PRORP: variants seen among roughly 807,000 people sequenced by gnomAD.
The protein encoded by PRORP is mitochondrial ribonuclease P catalytic subunit.
Under a neutral mutation model 59.4 loss-of-function variants are expected in PRORP, and 51 were observed. The observed-to-expected ratio is 0.86, with a 90% confidence interval of 0.69 to 1.08. PRORP has a LOEUF of 1.08. Ranked by LOEUF, PRORP falls within the 50% of genes least tolerant of loss-of-function variation. The pLI is 0.00. For missense variants in PRORP, 646 were observed against 690.3 expected (o/e 0.94, Z 0.72); for synonymous variants, 231 against 245.6 (o/e 0.94, Z 0.55).
intron 4 of PRORP, among the ~76,000 whole-genome samples, chr14:35,179,210 T>TTATG (rs1231668563): frequency 1.3e-5 from 2 of 152,208 alleles, no homozygotes; most frequent in Admixed American, 1.3e-4. Context: ...AATCTGACAA[T>TTATG]TATGTATCTT....
At chr14:35,204,166 C>T (rs2049231592) in intron 5 of PRORP, among the ~76,000 whole-genome samples, 1 of 151,756 alleles carries the variant, frequency 6.6e-6, no homozygotes, top group African/African-American at 2.4e-5. Context: ...TTTTTTCTTC[C>T]ACTTTAAACC....
At chr14:35,200,530 T>G (rs2049122542) in intron 5 of PRORP, among the ~76,000 whole-genome samples, 1 of 152,124 alleles carries the variant, frequency 6.6e-6, no homozygotes, top group South Asian at 2.1e-4. Flanking sequence ...GTATTTTGTT[T>G]TAGCATCTCC....
At chr14:35,195,829 A>G (rs143425631) in intron 5 of PRORP, among the ~76,000 whole-genome samples, 4 of 152,264 alleles carry the variant, frequency 2.6e-5, no homozygotes, top group Admixed American at 1.3e-4. Flanking sequence ...TTCATTTTCA[A>G]AAAAGAAGCT....
At chr14:35,158,874 G>T in intron 4 of PRORP, 1 of 303,372 alleles carries the variant, frequency 3.3e-6, no homozygotes, top group Non-Finnish European at 6.5e-6. Context: ...GCAAATCTAT[G>T]AGGAATCATG....
Position 35,145,506 on chromosome 14 carries a change from G to A in PRORP, c.1167+17895G>A, listed in dbSNP as rs1229535884. The stretch of plus-strand genomic sequence containing the variant: ...GGAGGCCGAGGCAGGCAGATCATAA[G>A]GTCAAGAGATCAAGACTATCCTGGC... On this transcript the variant is annotated intron_variant, in intron 4 of 7. Transcript: ENST00000534898. Among the ~76,000 whole-genome samples, 6 of 142,878 alleles carry A rather than the reference G, an allele frequency of 4.2e-5. 2 individuals carry two copies. 93.7% of individuals were successfully genotyped at this position (142,878 alleles called of 152,430 possible).
Position 35,123,565 on chromosome 14 carries a change from C to T in PRORP, c.320C>T (p.Pro107Leu). The T allele has an allele frequency of 6.2e-7, 1 of 1,614,150 alleles. No homozygotes were observed. The highest frequency in any genetic ancestry group is 8.5e-7 in the Non-Finnish European group (1 of 1,180,026). The change falls in exon 2 of 8, where the codon CCT becomes CTT. Residue 107 changes from proline (P) to leucine (L), a missense_variant. Pro to Leu is a moderately conservative substitution (Grantham distance 98). Transcript: ENST00000534898. The part of the protein sequence containing the change: ...NSQTEDHALA[P>L]VRNTIQLPTQ... ...CAAACTGAAGATCATGCCTTGGCAC[C>T]TGTGAGGAACACTATTCAACTCCCA...
intron 4 of PRORP, among the ~76,000 whole-genome samples, chr14:35,131,197 C>T (rs2047229615): frequency 1.3e-5 from 2 of 152,120 alleles, no homozygotes; most frequent in Admixed American, 1.3e-4. Context: ...CCCACCTCGG[C>T]CTCCCAAAGT....
intron 5 of PRORP, among the ~76,000 whole-genome samples, chr14:35,205,309 G>A (rs2049263358): frequency 6.6e-6 from 1 of 152,192 alleles, no homozygotes; most frequent in South Asian, 2.1e-4. Context: ...AGCCTCCTGA[G>A]TAGCTGGGAT....
intron 5 of PRORP, among the ~76,000 whole-genome samples, chr14:35,221,745 C>T (rs375436025): frequency 1.3e-5 from 2 of 152,174 alleles, no homozygotes; most frequent in Admixed American, 1.3e-4. Context: ...TGCCCCTTTT[C>T]TGAGCGGTTG....
At chr14:35,255,939 A>G (rs2050740128) in intron 5 of PRORP, among the ~76,000 whole-genome samples, 3 of 151,504 alleles carry the variant, frequency 2.0e-5, no homozygotes, top group African/African-American at 2.4e-5. Flanking sequence ...TGAGTCATTT[A>G]TGTTACATTT....
chr14:35,125,833 G>T (rs1427779768), intron 2 of PRORP, among the ~76,000 whole-genome samples: 1 of 152,128 alleles, frequency 6.6e-6, no homozygotes, highest in African/African-American at 2.4e-5. Context: ...ACCAGCCTGG[G>T]CATGGTGAAA....
intron 4 of PRORP, among the ~76,000 whole-genome samples, chr14:35,148,790 T>C (rs147935572): frequency 4.5e-4 from 68 of 152,302 alleles, no homozygotes; most frequent in African/African-American, 1.5e-3. Flanking sequence ...ATCTTCTGGA[T>C]AGCTTGCTGC....
At chr14:35,263,034 TA>T in intron 5 of PRORP, 1 of 1,570,804 alleles carries the variant, frequency 6.4e-7, no homozygotes. Context: ...GGCTGATGAA[TA>T]AGATCTAAGA....
chr14:35,222,866 T>G (rs556639705), intron 5 of PRORP: 1 of 152,370 alleles, frequency 6.6e-6, no homozygotes, highest in Admixed American at 6.5e-5. Flanking sequence ...TGTTTTTGTT[T>G]TGTTGCTTCT....
Position 35,124,230 on chromosome 14 carries a change from A to G in PRORP, c.985A>G (p.Ser329Gly). ...ACACAGTATAAAAACATGGTTTGAG[A>G]GGTAATTTTGGTTTTTTTATATGTA... Reference protein sequence around the residue: ...FAHSIKTWFESVPGKQWKGQF... With the variant: ...FAHSIKTWFEGVPGKQWKGQF... Residue 329 changes from serine to glycine, a missense_variant and splice_region_variant, in exon 2 of 8, where the codon AGT (serine) becomes GGT (glycine). Coordinates refer to ENST00000534898, the MANE Select transcript of PRORP (RefSeq NM_014672.4). The G allele has an allele frequency of 6.6e-7, 1 of 1,521,310 alleles. No homozygotes were observed. The highest frequency in any genetic ancestry group is 8.8e-7 in the Non-Finnish European group (1 of 1,138,894). 94.2% of individuals were successfully genotyped at this position (1,521,310 alleles called of 1,614,324 possible). A position where few individuals can be genotyped will look rare whatever the true frequency, so the allele number is the denominator to read the frequency against.
At chr14:35,208,167 A>G (rs929214652) in intron 5 of PRORP, among the ~76,000 whole-genome samples, 65 of 152,008 alleles carry the variant, frequency 4.3e-4, no homozygotes, top group Admixed American at 1.9e-3. Context: ...AAAAAAGACT[A>G]TAGTTAAAGA....
chr14:35,266,975 T>G, intron 6 of PRORP, 100 bp downstream of exon 6: 1 of 1,124,338 alleles, frequency 8.9e-7, no homozygotes, highest in Non-Finnish European at 1.2e-6. Flanking sequence ...CATGTGTATG[T>G]GTATACTCAC....
upstream of PRORP, chr14:35,121,898 T>C: frequency 1.9e-6 from 3 of 1,613,256 alleles, no homozygotes; most frequent in Non-Finnish European, 2.5e-6. Flanking sequence ...CTCCCAAAAC[T>C]CACTGTTTGG....
At chr14:35,155,722 A>T (rs2047898383) in intron 4 of PRORP, among the ~76,000 whole-genome samples, 1 of 151,838 alleles carries the variant, frequency 6.6e-6, no homozygotes. Context: ...TAAACATATT[A>T]TATATTCATT....
Sources: allele counts gnomAD v4.1 joint callset (sites outside exome capture counted in the v4.1 genomes callset), GRCh38; gene constraint gnomAD v4.1.1; transcripts MANE v1.5; gene names NCBI Gene and HGNC (gene_info 2026-07-23, HGNC 2026-07-21).